Variants in CNTLN observed in about 807,000 individuals in gnomAD.
The protein encoded by CNTLN is centlein, also known as centlein, centrosomal protein.
In CNTLN, 212 loss-of-function variants were observed where a neutral mutation model predicts 180.0. The ratio of observed to expected loss-of-function variants is 1.18; its 90% CI spans 1.05 to 1.32. CNTLN has a LOEUF of 1.32. Among genes scored for constraint, CNTLN ranks in the 40% most tolerant of loss-of-function variants. CNTLN has a pLI of 0.00. For missense variants in CNTLN, 2,095 were observed against 1,610.9 expected (o/e 1.30, Z -5.14); for synonymous variants, 722 against 563.1 (o/e 1.28, Z -3.99).
At chr9:17,162,210 G>C (rs1020306624) in intron 2 of CNTLN, among the ~76,000 whole-genome samples, 1 of 151,992 alleles carries the variant, frequency 6.6e-6, no homozygotes, top group Non-Finnish European at 1.5e-5. Flanking sequence ...CACCTGCCGT[G>C]TTCACGCCAT....
intron 5 of CNTLN, among the ~76,000 whole-genome samples, chr9:17,266,160 C>G (rs974606083): frequency 2.0e-5 from 3 of 151,692 alleles, no homozygotes; most frequent in Non-Finnish European, 2.9e-5. Context: ...TTCCTGCTTT[C>G]TCTTTTGGGC....
chr9:17,350,270 C>T (rs1036453307), intron 12 of CNTLN, among the ~76,000 whole-genome samples: 4 of 152,168 alleles, frequency 2.6e-5, no homozygotes, highest in Non-Finnish European at 5.9e-5. Flanking sequence ...CCTGGGTGTA[C>T]TGACATTCGT....
At chr9:17,420,350 A>G (rs1396480406) in intron 18 of CNTLN, among the ~76,000 whole-genome samples, 2 of 152,202 alleles carry the variant, frequency 1.3e-5, no homozygotes, top group African/African-American at 4.8e-5. Flanking sequence ...GATTATTGGC[A>G]TATAGTTGGT....
intron 5 of CNTLN, among the ~76,000 whole-genome samples, chr9:17,246,308 A>G (rs1825793452): frequency 6.6e-6 from 1 of 152,182 alleles, no homozygotes; most frequent in Admixed American, 6.6e-5. Flanking sequence ...TCATAGAAAT[A>G]CTGCCTTGGT....
chr9:17,275,582 T>C (rs1013864047), intron 6 of CNTLN, among the ~76,000 whole-genome samples: 2 of 152,106 alleles, frequency 1.3e-5, no homozygotes, highest in African/African-American at 2.4e-5. Flanking sequence ...CTTTACATTT[T>C]AGAGTATGAT....
chr9:17,295,951 C>CATCT (rs1817873033), intron 6 of CNTLN, among the ~76,000 whole-genome samples: 1 of 149,248 alleles, frequency 6.7e-6, no homozygotes, highest in Non-Finnish European at 1.5e-5. Context: ...ATAGTATGAG[C>CATCT]ATCTCCCTAC....
At chr9:17,502,424 C>T (rs1460680639) in intron 25 of CNTLN, 127 bp from the exon 26 acceptor site, 3 of 493,846 alleles carry the variant, frequency 6.1e-6, no homozygotes, top group Non-Finnish European at 1.1e-5. Flanking sequence ...AAAAGAGATC[C>T]AGTAGGGTAC....
At chr9:17,255,768 C>T (rs1374543731) in intron 5 of CNTLN, among the ~76,000 whole-genome samples, 2 of 151,644 alleles carry the variant, frequency 1.3e-5, no homozygotes, top group East Asian at 1.9e-4. Context: ...GTAGAATTAT[C>T]CAGTGAAACC....
At chr9:17,312,290 TTCTAA>T (rs1303900732) in intron 8 of CNTLN, among the ~76,000 whole-genome samples, 5 of 148,212 alleles carry the variant, frequency 3.4e-5, no homozygotes, top group African/African-American at 7.4e-5. Context: ...TGTTACTGAC[TTCTAA>T]TCTACTTCCA....
intron 2 of CNTLN, among the ~76,000 whole-genome samples, chr9:17,220,188 T>A (rs1039845951): frequency 5.9e-5 from 9 of 152,110 alleles, no homozygotes; most frequent in African/African-American, 2.2e-4. Context: ...TAACCACTAG[T>A]TAGACTGTGA....
At chr9:17,415,229 T>C (rs1738962060) in intron 16 of CNTLN, among the ~76,000 whole-genome samples, 1 of 152,196 alleles carries the variant, frequency 6.6e-6, no homozygotes, top group Non-Finnish European at 1.5e-5. Flanking sequence ...GAGGAAAACA[T>C]ACAGCTTCAG....
At chr9:17,520,276 C>T in the CNTLN span, among the ~76,000 whole-genome samples, 33 of 152,174 alleles carry the variant, frequency 2.2e-4, no homozygotes, top group Non-Finnish European at 4.0e-4. Context: ...AAAACAGAGC[C>T]ACTGCAAGTG....
chr9:17,517,648 G>A, the CNTLN span, among the ~76,000 whole-genome samples: 1 of 152,036 alleles, frequency 6.6e-6, no homozygotes, highest in African/African-American at 2.4e-5. Flanking sequence ...AGGACTGCCA[G>A]CCACCACCAG....
At chr9:17,189,326 C>A (rs1277792273) in intron 2 of CNTLN, among the ~76,000 whole-genome samples, 1 of 151,522 alleles carries the variant, frequency 6.6e-6, no homozygotes, top group Non-Finnish European at 1.5e-5. Context: ...TCATGATCTG[C>A]CCTCTTCAGC....
At chr9:17,172,146 G>C (rs1450645519) in intron 2 of CNTLN, among the ~76,000 whole-genome samples, 4 of 152,084 alleles carry the variant, frequency 2.6e-5, no homozygotes, top group African/African-American at 9.7e-5. Context: ...TATGGCTACT[G>C]TTTATCTCAG....
intron 25 of CNTLN, among the ~76,000 whole-genome samples, chr9:17,488,189 T>C (rs1271986259): frequency 6.6e-6 from 1 of 152,130 alleles, no homozygotes; most frequent in Non-Finnish European, 1.5e-5. Context: ...TTCATGTTAG[T>C]ATCAGTTTGA....
intron 2 of CNTLN, among the ~76,000 whole-genome samples, chr9:17,171,055 A>G (rs1820390966): frequency 6.6e-6 from 1 of 152,224 alleles, no homozygotes; most frequent in South Asian, 2.1e-4. Context: ...TTGCACAAGG[A>G]CAGAATCACC....
intron 19 of CNTLN, among the ~76,000 whole-genome samples, chr9:17,461,858 A>T (rs1355966180): frequency 1.3e-5 from 2 of 151,760 alleles, no homozygotes; most frequent in African/African-American, 4.8e-5. Context: ...AGACTAAGTG[A>T]TGTCTTAGAT....
At chr9:17,346,151 G>T (rs1821873287) in intron 12 of CNTLN, among the ~76,000 whole-genome samples, 1 of 152,144 alleles carries the variant, frequency 6.6e-6, no homozygotes, top group South Asian at 2.1e-4. Flanking sequence ...GGGGAAGCAA[G>T]GACCTTTTTC....
Sources: gnomAD v4.1 joint callset for allele counts (sites outside exome capture counted in the v4.1 genomes callset) on GRCh38, gnomAD v4.1.1 for gene constraint, MANE v1.5 for transcripts, NCBI Gene and HGNC (gene_info 2026-07-23, HGNC 2026-07-21) for gene names.